The following PAN3 variants were observed in gnomAD, a reference collection of about 807,000 sequenced individuals.
PAN3 encodes PAN2-PAN3 deadenylation complex subunit PAN3.
Under a neutral mutation model 96.2 loss-of-function variants are expected in PAN3, and 19 were observed. The observed-to-expected ratio is 0.20, with a 90% CI of 0.14 to 0.29. The LOEUF (loss-of-function observed/expected upper bound fraction) is 0.29. Among genes scored for constraint, PAN3 ranks in the 10% least tolerant of loss-of-function variants. The pLI is 1.00. For synonymous variants in PAN3, 433 were observed against 406.6 expected (o/e 1.06, Z -0.78); for missense variants, 882 against 1,108.1 (o/e 0.80, Z 2.90).
intron 1 of PAN3, among the ~76,000 whole-genome samples, chr13:28,164,583 A>G (rs1265916685): frequency 3.3e-5 from 5 of 152,204 alleles, no homozygotes; most frequent in African/African-American, 1.2e-4. Flanking sequence ...TCCCTACTCA[A>G]GTAAATTTGG....
At chr13:28,208,049 G>A (rs1375692684) in intron 5 of PAN3, among the ~76,000 whole-genome samples, 1 of 152,072 alleles carries the variant, frequency 6.6e-6, no homozygotes, top group Non-Finnish European at 1.5e-5. Flanking sequence ...GAAATTTAAT[G>A]CTTTACATAT....
At chr13:28,244,497 G>T (rs1007464908) in intron 6 of PAN3, among the ~76,000 whole-genome samples, 2 of 152,018 alleles carry the variant, frequency 1.3e-5, no homozygotes, top group East Asian at 3.9e-4. Context: ...TATTGAGCAG[G>T]TCATCTCCTC....
intron 14 of PAN3, among the ~76,000 whole-genome samples, chr13:28,273,541 C>T (rs1566251242): frequency 6.6e-6 from 1 of 151,796 alleles, no homozygotes; most frequent in Non-Finnish European, 1.5e-5. Context: ...GCGGAGGTTG[C>T]AGTGAGCTGA....
At chr13:28,154,405 A>G (rs1333300295) in intron 1 of PAN3, among the ~76,000 whole-genome samples, 4 of 151,552 alleles carry the variant, frequency 2.6e-5, no homozygotes, top group South Asian at 2.1e-4. Context: ...TTTTCTTACT[A>G]TAGGCCTTGC....
chr13:28,155,855 GAAAAGACAC>G (rs1351614076), intron 1 of PAN3, among the ~76,000 whole-genome samples: 2 of 152,176 alleles, frequency 1.3e-5, no homozygotes, highest in Non-Finnish European at 2.9e-5. Context: ...AGGTAGATGA[GAAAAGACAC>G]AGATTTTGAG....
intron 5 of PAN3, among the ~76,000 whole-genome samples, chr13:28,202,534 C>T (rs1402211336): frequency 6.6e-6 from 1 of 152,086 alleles, no homozygotes; most frequent in Non-Finnish European, 1.5e-5. Context: ...ATTGTCAGTT[C>T]TCTGAACCAT....
chr13:28,244,564 A>T (rs573880554), intron 6 of PAN3, among the ~76,000 whole-genome samples: 1 of 152,110 alleles, frequency 6.6e-6, no homozygotes, highest in Non-Finnish European at 1.5e-5. Context: ...GACTTTATAT[A>T]TACATATTTG....
intron 18 of PAN3, among the ~76,000 whole-genome samples, chr13:28,289,426 C>G (rs1206324866): frequency 6.6e-6 from 1 of 152,080 alleles, no homozygotes; most frequent in African/African-American, 2.4e-5. Context: ...CACAGGCACA[C>G]GCCACCACAC....
At chr13:28,174,015 A>G (rs1874633496) in intron 1 of PAN3, among the ~76,000 whole-genome samples, 1 of 152,224 alleles carries the variant, frequency 6.6e-6, no homozygotes, top group South Asian at 2.1e-4. Context: ...TAGAAACTTA[A>G]TCATATTGTG....
At chr13:28,158,186 C>CA (rs1441844905) in intron 1 of PAN3, among the ~76,000 whole-genome samples, 9 of 152,144 alleles carry the variant, frequency 5.9e-5, no homozygotes, top group African/African-American at 2.2e-4. Flanking sequence ...ACACCATATA[C>CA]AAAAAATTAA....
At chr13:28,239,447 C>T in intron 6 of PAN3, 1 of 369,972 alleles carries the variant, frequency 2.7e-6, no homozygotes, top group Non-Finnish European at 5.1e-6. Flanking sequence ...GCCTTTGGTT[C>T]ATTGGCTACT....
chr13:28,227,694 TA>T (rs1882145930), intron 6 of PAN3, among the ~76,000 whole-genome samples: 1 of 152,094 alleles, frequency 6.6e-6, no homozygotes, highest in South Asian at 2.1e-4. Flanking sequence ...TAGAGGACAG[TA>T]AAGAGACAGA....
In PAN3 at chr13:28,293,331, G is replaced by A. The variant is rs1045997441; in HGVS notation, c.*809G>A. 2 of 132,680 alleles carry A rather than the reference G, an allele frequency of 1.5e-5. No homozygotes were observed. 8.2% of individuals were successfully genotyped at this position (132,680 alleles called of 1,614,324 possible). The stretch of plus-strand genomic sequence containing the variant: ...TTAAATAGGAGAAAATTAAGAAATT[G>A]TGTTAAAGGCCTAAAGTTCAGGAGT... On this transcript the variant is annotated 3_prime_UTR_variant, in exon 19 of 19. Coordinates refer to ENST00000380958, the MANE Select transcript of PAN3 (RefSeq NM_175854.8).
chr13:28,143,120 G>GTTTTTT (rs568712279), intron 1 of PAN3, among the ~76,000 whole-genome samples: 1 of 150,688 alleles, frequency 6.6e-6, no homozygotes, highest in African/African-American at 2.5e-5. Flanking sequence ...TTTTGTTTTT[G>GTTTTTT]TTTTTTTTGA....
At chr13:28,288,194 T>C (rs753057055) in intron 18 of PAN3, 72 bp downstream of exon 18, 5 of 1,346,934 alleles carry the variant, frequency 3.7e-6, no homozygotes, top group Non-Finnish European at 5.0e-6. Flanking sequence ...CTTCTACAAA[T>C]ACTAGGAAAC....
intron 1 of PAN3, among the ~76,000 whole-genome samples, chr13:28,163,644 T>C (rs1015403958): frequency 6.6e-6 from 1 of 152,252 alleles, no homozygotes; most frequent in Non-Finnish European, 1.5e-5. Context: ...TTTCTCATCA[T>C]ACCTGAGTCT....
At chr13:28,190,959 A>G (rs1877182448) in intron 4 of PAN3, among the ~76,000 whole-genome samples, 1 of 152,226 alleles carries the variant, frequency 6.6e-6, no homozygotes, top group Non-Finnish European at 1.5e-5. Flanking sequence ...TGGCATTTTC[A>G]AATGCTTTTA....
At chr13:28,187,687 T>C (rs944348858) in intron 4 of PAN3, among the ~76,000 whole-genome samples, 2 of 152,220 alleles carry the variant, frequency 1.3e-5, no homozygotes, top group African/African-American at 2.4e-5. Context: ...TAAATTATGT[T>C]CTGCTGTGTT....
At chr13:28,251,458 C>T (rs928930221) in intron 6 of PAN3, among the ~76,000 whole-genome samples, 1 of 151,950 alleles carries the variant, frequency 6.6e-6, no homozygotes, top group Non-Finnish European at 1.5e-5. Flanking sequence ...CAAAGCAGGT[C>T]GAGTATTGTG....
Sources: allele counts gnomAD v4.1 joint callset (sites outside exome capture counted in the v4.1 genomes callset), GRCh38; gene constraint gnomAD v4.1.1; transcripts MANE v1.5; gene names NCBI Gene and HGNC (gene_info 2026-07-23, HGNC 2026-07-21).